The following TMEM236 variants were observed in gnomAD, a reference collection of about 807,000 sequenced individuals.
TMEM236 encodes the protein transmembrane protein 236.
TMEM236 carries 11 observed loss-of-function variants against 14.7 expected under a neutral mutation model. The ratio of observed to expected loss-of-function variants is 0.75; its 90% confidence interval spans 0.47 to 1.24. The LOEUF (loss-of-function observed/expected upper bound fraction) is 1.24. Ranked by LOEUF, TMEM236 falls within the 50% of genes most tolerant of loss-of-function variation. The probability of loss-of-function intolerance (pLI) is 0.00; values close to 1 mark genes in which losing one functional copy is unlikely to be tolerated. For synonymous variants in TMEM236, 182 were observed against 168.6 expected, an observed-to-expected ratio of 1.08 and a Z score of -0.62; for missense variants, 464 against 427.3, an observed-to-expected ratio of 1.09 and a Z score of -0.76.
intron 1 of TMEM236, among the ~76,000 whole-genome samples, chr10:17,768,086 G>GTTTTTTTTTTGTTT (rs1837500530): frequency 1.1e-5 from 1 of 92,022 alleles, no homozygotes; most frequent in Non-Finnish European, 2.2e-5. Context: ...AATTTTTGTG[G>GTTTTTTTTTTGTTT]TTTTTTTTTT....
chr10:17,756,157 T>C (rs2131738978), intron 1 of TMEM236, among the ~76,000 whole-genome samples: 1 of 152,278 alleles, frequency 6.6e-6, no homozygotes, highest in East Asian at 1.9e-4. Flanking sequence ...GTCCCAGCTA[T>C]TCAAGAGGTT....
chr10:17,755,797 A>G (rs1032503552), intron 1 of TMEM236, among the ~76,000 whole-genome samples: 1,622 of 152,132 alleles, frequency 0.011, 28 homozygotes, highest in African/African-American at 0.036. Context: ...GTTTTTTTGT[A>G]TTTTGGTTTT....
At chr10:17,783,140 G>A (rs1837781321) in intron 3 of TMEM236, among the ~76,000 whole-genome samples, 1 of 152,162 alleles carries the variant, frequency 6.6e-6, no homozygotes. Flanking sequence ...CTGGATGGGA[G>A]CCGAATGATA....
chr10:17,755,323 G>T (rs979697805), intron 1 of TMEM236, among the ~76,000 whole-genome samples: 3 of 152,018 alleles, frequency 2.0e-5, no homozygotes, highest in East Asian at 1.9e-4. Context: ...GCACATCCAC[G>T]CAAGGGCAGA....
At chr10:17,768,274 C>CAT (rs1837508018) in intron 1 of TMEM236, among the ~76,000 whole-genome samples, 1 of 151,768 alleles carries the variant, frequency 6.6e-6, no homozygotes, top group South Asian at 2.1e-4. Context: ...TAGATAGGCA[C>CAT]ATATATTGTT....
rs1012014797 is a variant in TMEM236, at chr10:17,798,602, C to T, written c.*2098C>T. 17 of 534,268 alleles carry T rather than the reference C, an allele frequency of 3.2e-5. No individual in the cohort carries two copies. In the East Asian group the frequency reaches 7.1e-4, roughly 22 times the overall value. 33.1% of individuals were successfully genotyped at this position (534,268 alleles called of 1,614,324 possible). On this transcript the variant is annotated 3_prime_UTR_variant, in exon 4 of 4. Transcript: ENST00000377495. ...CTCCACCAAATACCTCTCCCCTTGC[C>T]ACCCTGTCTCCCTTTCCCTCTGTTT...
intron 3 of TMEM236, among the ~76,000 whole-genome samples, chr10:17,793,993 T>G (rs991879224): frequency 1.2e-4 from 19 of 152,296 alleles, no homozygotes; most frequent in African/African-American, 4.3e-4. Context: ...GTGCTGACAT[T>G]TACCTATCAA....
chr10:17,792,377 C>T (rs937669731), intron 3 of TMEM236, among the ~76,000 whole-genome samples: 4 of 152,196 alleles, frequency 2.6e-5, no homozygotes, highest in Admixed American at 6.5e-5. Context: ...CGTAAGCCAC[C>T]GTACCTGCCT....
intron 3 of TMEM236, among the ~76,000 whole-genome samples, chr10:17,787,729 C>T (rs977811699): frequency 7.1e-4 from 108 of 152,276 alleles, no homozygotes; most frequent in Non-Finnish European, 9.9e-4. Context: ...CTGCCTTTTG[C>T]GGAGCTCCTG....
chr10:17,800,599 C>T lies in TMEM236; in HGVS notation c.*4095C>T, dbSNP rs948634932. On this transcript the variant is annotated 3_prime_UTR_variant, in exon 4 of 4. Transcript: ENST00000377495. Reference sequence around the variant, plus strand: ...GGAAATGAAATTGCTTGCTGAAGTCCTACTATGTTCTGGGCACTATGCTGT... The same window carrying T: ...GGAAATGAAATTGCTTGCTGAAGTCTTACTATGTTCTGGGCACTATGCTGT... 6.6e-6 allele frequency: 1 copy of T among 152,154 alleles called. No homozygotes were observed. The highest frequency in any genetic ancestry group is 1.5e-5 in the Non-Finnish European group (1 of 68,034). The allele number at this position is 152,154 out of a possible 1,614,324, so 9.4% of individuals were successfully genotyped here. A position where few individuals can be genotyped will look rare whatever the true frequency, so the allele number is the denominator to read the frequency against.
chr10:17,768,086 G>GTTTTTTTTTTTTTTTTTTTT lies in TMEM236; in HGVS notation c.258-3220_258-3201dup, dbSNP rs879036347. Among the ~76,000 whole-genome samples the GTTTTTTTTTTTTTTTTTTTT allele has an allele frequency of 8.3e-4, 76 of 91,994 alleles. 2 individuals carry two copies. Among genetic ancestry groups the GTTTTTTTTTTTTTTTTTTTT allele is most frequent in the African/African-American group, 1.1e-3 (24 of 22,724 alleles). 60.4% of individuals were successfully genotyped at this position (91,994 alleles called of 152,430 possible). On this transcript the variant is annotated intron_variant, in intron 1 of 3. Coordinates refer to ENST00000377495, the MANE Select transcript of TMEM236 (RefSeq NM_001098844.3). ...CCACCACACCTCGCTAATTTTTGTGGTTTTTTTTTTTTTTTTTTTTTTGTA... is the reference window on the plus strand; with the variant it reads ...CCACCACACCTCGCTAATTTTTGTGGTTTTTTTTTTTTTTTTTTTTTTTTTTTTTTTTTTTTTTTTTTGTA...
At chr10:17,761,168 A>G (rs1281736179) in intron 1 of TMEM236, among the ~76,000 whole-genome samples, 1 of 152,070 alleles carries the variant, frequency 6.6e-6, no homozygotes, top group Non-Finnish European at 1.5e-5. Context: ...TTATTTCCAG[A>G]CCATCAAAAC....
At chr10:17,795,615 C>T (rs1260523408) in intron 3 of TMEM236, among the ~76,000 whole-genome samples, 1 of 152,028 alleles carries the variant, frequency 6.6e-6, no homozygotes, top group Non-Finnish European at 1.5e-5. Flanking sequence ...GTAAAATCGG[C>T]CTCAAATAAT....
chr10:17,769,779 T>A (rs1837537289), intron 1 of TMEM236, among the ~76,000 whole-genome samples: 1 of 152,126 alleles, frequency 6.6e-6, no homozygotes, highest in Admixed American at 6.6e-5. Context: ...GGTGCTGGGA[T>A]GGGGGAGGCA....
chr10:17,757,687 C>T (rs1484818954), intron 1 of TMEM236, among the ~76,000 whole-genome samples: 1 of 151,026 alleles, frequency 6.6e-6, no homozygotes, highest in Admixed American at 6.6e-5. Flanking sequence ...GTATCTCATA[C>T]AATTTTCTTT....
At chr10:17,775,839 G>A (rs534444000) in intron 2 of TMEM236, among the ~76,000 whole-genome samples, 190 bp from the exon 3 acceptor site, 30,567 of 152,062 alleles carry the variant, frequency 0.2, 3,425 homozygotes, top group African/African-American at 0.3. Flanking sequence ...ATTGATATGA[G>A]TCCTTATGAC....
In TMEM236 at chr10:17,776,318, A is replaced by G. The variant is rs1837658415; in HGVS notation, c.472+148A>G. ...AGATTGCAAATGAAGATATCTAAACATAATTATTTTTAAACCTACCTTGAT... is the reference window on the plus strand; with the variant it reads ...AGATTGCAAATGAAGATATCTAAACGTAATTATTTTTAAACCTACCTTGAT... On this transcript the variant is annotated intron_variant, in intron 3 of 3. Coordinates refer to ENST00000377495, the MANE Select transcript of TMEM236 (RefSeq NM_001098844.3). 4 of 834,130 alleles carry G rather than the reference A, an allele frequency of 4.8e-6. No homozygotes were observed. In the South Asian group the frequency reaches 5.4e-5, roughly 11 times the overall value. The allele number at this position is 834,130 out of a possible 1,614,324, so 51.7% of individuals were successfully genotyped here.
intron 3 of TMEM236, among the ~76,000 whole-genome samples, chr10:17,781,812 G>C (rs1837756134): frequency 6.6e-6 from 1 of 151,542 alleles, no homozygotes; most frequent in Non-Finnish European, 1.5e-5. Flanking sequence ...TGTGTGTTTG[G>C]GAGAAGGGAG....
At position 17,796,614 on chromosome 10, in the gene TMEM236, T is replaced by C. The variant is rs892819296; in HGVS notation, c.*110T>C. The stretch of plus-strand genomic sequence containing the variant: ...TTGCACTATAAAGGAAATGACTAGA[T>C]TGTAGAGAATAAGCCATTTTTACTA... On this transcript the variant is annotated 3_prime_UTR_variant, in exon 4 of 4. Coordinates refer to ENST00000377495, the MANE Select transcript of TMEM236 (RefSeq NM_001098844.3). 1.8e-4 allele frequency: 177 copies of C among 981,394 alleles called. No individual in the cohort carries two copies. Among genetic ancestry groups the C allele is most frequent in the Non-Finnish European group, 2.4e-4 (153 of 648,506 alleles). 60.8% of individuals were successfully genotyped at this position (981,394 alleles called of 1,614,324 possible).
Sources: gnomAD v4.1 joint callset for allele counts (sites outside exome capture counted in the v4.1 genomes callset) on GRCh38, gnomAD v4.1.1 for gene constraint, MANE v1.5 for transcripts, NCBI Gene and HGNC (gene_info 2026-07-23, HGNC 2026-07-21) for gene names.